Variants in FOXO3 observed in about 807,000 individuals in gnomAD.
FOXO3 encodes the protein forkhead box protein O3.
FOXO3 carries 4 observed loss-of-function variants against 41.9 expected under a neutral mutation model. That is an observed-to-expected ratio of 0.10 (90% CI 0.05 to 0.22). FOXO3 has a LOEUF of 0.22. Ranked by LOEUF, FOXO3 falls within the 10% of genes least tolerant of loss-of-function variation. FOXO3 has a pLI of 1.00. For missense variants in FOXO3, 534 were observed against 906.8 expected, an observed-to-expected ratio of 0.59 and a Z score of 5.28; for synonymous variants, 318 against 389.3, an observed-to-expected ratio of 0.82 and a Z score of 2.16.
At chr6:108,650,261 G>A (rs528061540) in intron 1 of FOXO3, among the ~76,000 whole-genome samples, 51 of 152,140 alleles carry the variant, frequency 3.4e-4, no homozygotes, top group Admixed American at 6.5e-4. Flanking sequence ...ACACGTGCTG[G>A]TTGAGGAGTG....
intron 1 of FOXO3, among the ~76,000 whole-genome samples, chr6:108,625,219 A>G (rs1014590117): frequency 2.6e-5 from 4 of 152,216 alleles, no homozygotes; most frequent in African/African-American, 9.7e-5. Flanking sequence ...ATTAGCATAT[A>G]CTTGCCATTA....
intron 1 of FOXO3, chr6:108,656,289 T>C: frequency 1.2e-6 from 1 of 820,182 alleles, no homozygotes; most frequent in Non-Finnish European, 1.5e-6. Context: ...CACATGTTGC[T>C]TCCAGACAAA....
chr6:108,677,996 T>G (rs938702313), intron 2 of FOXO3, among the ~76,000 whole-genome samples: 7 of 152,170 alleles, frequency 4.6e-5, no homozygotes, highest in African/African-American at 1.7e-4. Context: ...AGAAAGAGGC[T>G]TCTTTTTATA....
At chr6:108,585,505 G>A (rs1005142327) in intron 1 of FOXO3, among the ~76,000 whole-genome samples, 11 of 152,216 alleles carry the variant, frequency 7.2e-5, no homozygotes, top group Non-Finnish European at 1.5e-4. Flanking sequence ...GGGACCAGCT[G>A]TGCATTATTG....
At chr6:108,654,811 T>G (rs967756401) in intron 1 of FOXO3, among the ~76,000 whole-genome samples, 2 of 152,186 alleles carry the variant, frequency 1.3e-5, no homozygotes, top group African/African-American at 4.8e-5. Flanking sequence ...GAGCTAGATT[T>G]ACATATCAGG....
intron 1 of FOXO3, among the ~76,000 whole-genome samples, chr6:108,662,496 A>G (rs1185438383): frequency 6.6e-6 from 1 of 152,198 alleles, no homozygotes; most frequent in East Asian, 1.9e-4. Flanking sequence ...AGACTTGCCT[A>G]CTTCTCTAAT....
chr6:108,599,931 A>G (rs1776995765), intron 1 of FOXO3, among the ~76,000 whole-genome samples: 1 of 152,196 alleles, frequency 6.6e-6, no homozygotes, highest in Non-Finnish European at 1.5e-5. Context: ...TTCAAGACCC[A>G]CCTGCATCTG....
Position 108,613,704 on chromosome 6 carries a change from C to T in FOXO3, c.622-49751C>T, listed in dbSNP as rs116482178. On this transcript the variant is annotated intron_variant, in intron 1 of 2. Coordinates refer to ENST00000406360, the MANE Select transcript of FOXO3 (RefSeq NM_001455.4). ...CATTTGCTTCCACTGACTTTTCCCC[C>T]GTTACTTTTATGTTTTTACTTCCAT... 7.5e-3 allele frequency among the ~76,000 whole-genome samples: 1,136 copies of T among 152,052 alleles called. 11 individuals carry two copies. The highest frequency in any genetic ancestry group is 0.026 in the African/African-American group (1,095 of 41,490).
chr6:108,667,734 C>T (rs942933001), intron 2 of FOXO3, among the ~76,000 whole-genome samples: 6 of 152,118 alleles, frequency 3.9e-5, no homozygotes, highest in Non-Finnish European at 7.4e-5. Flanking sequence ...GGGTCATCTT[C>T]GCCTCAGAAT....
chr6:108,563,958 T>C (rs1207314120), intron 1 of FOXO3, among the ~76,000 whole-genome samples: 3 of 142,924 alleles, frequency 2.1e-5, no homozygotes, highest in African/African-American at 5.1e-5. Context: ...TGTCTTATGG[T>C]TTTTTTTTTT....
chr6:108,588,562 C>G (rs2128362237), intron 1 of FOXO3, among the ~76,000 whole-genome samples: 1 of 152,344 alleles, frequency 6.6e-6, no homozygotes, highest in South Asian at 2.1e-4. Context: ...CCTTCTTCCT[C>G]TGGTCTACTG....
chr6:108,671,917 A>T (rs1779226234), intron 2 of FOXO3, among the ~76,000 whole-genome samples: 1 of 152,260 alleles, frequency 6.6e-6, no homozygotes, highest in Admixed American at 6.5e-5. Flanking sequence ...TGTTTGTGGT[A>T]TCCAAAGTGC....
chr6:108,589,683 TG>T (rs1439241562), intron 1 of FOXO3, among the ~76,000 whole-genome samples: 1 of 152,210 alleles, frequency 6.6e-6, no homozygotes, highest in Non-Finnish European at 1.5e-5. Flanking sequence ...GGTGACTGGC[TG>T]TTCATGTGAG....
intron 1 of FOXO3, among the ~76,000 whole-genome samples, chr6:108,602,322 T>C (rs9372191): frequency 0.049 from 7,405 of 152,250 alleles, 309 homozygotes; most frequent in South Asian, 0.21. Flanking sequence ...CTCATACCCT[T>C]GCCAACACAG....
chr6:108,678,857 ATTTCTTAAATTC>A (rs1770724160), intron 2 of FOXO3, among the ~76,000 whole-genome samples: 1 of 126,488 alleles, frequency 7.9e-6, no homozygotes, highest in Non-Finnish European at 1.7e-5. Flanking sequence ...GCAAGACCCC[ATTTCTTAAATTC>A]TTTTTTTTTT....
At chr6:108,577,013 T>G (rs1368375988) in intron 1 of FOXO3, among the ~76,000 whole-genome samples, 1 of 152,202 alleles carries the variant, frequency 6.6e-6, no homozygotes, top group African/African-American at 2.4e-5. Flanking sequence ...GGGAGGATGA[T>G]TGCAGCTATT....
At chr6:108,599,571 T>G (rs1271855167) in intron 1 of FOXO3, among the ~76,000 whole-genome samples, 2 of 152,200 alleles carry the variant, frequency 1.3e-5, no homozygotes, top group Non-Finnish European at 2.9e-5. Context: ...TCTTTTCCAT[T>G]ATGGTAAGCC....
rs1171637928 is a variant in FOXO3, at chr6:108,589,706, G to C, written c.621+27877G>C. Among the ~76,000 whole-genome samples the C allele has an allele frequency of 9.2e-5, 14 of 152,180 alleles. 1 individual carries two copies. The highest frequency in any genetic ancestry group is 9.2e-4 in the Admixed American group (14 of 15,282). On this transcript the variant is annotated intron_variant, in intron 1 of 2. Transcript: ENST00000406360. ...GCTGTTCATGTGAGTTCCTGTGACT[G>C]ATGTCTCTGAAGAAACCAATGCCTT... is the stretch of plus-strand genomic sequence containing the variant.
At chr6:108,614,162 A>G (rs1777433070) in intron 1 of FOXO3, among the ~76,000 whole-genome samples, 1 of 152,202 alleles carries the variant, frequency 6.6e-6, no homozygotes, top group South Asian at 2.1e-4. Context: ...ATGTACTTAA[A>G]AAGAATGTGT....
Sources: gnomAD v4.1 joint callset for allele counts (sites outside exome capture counted in the v4.1 genomes callset) on GRCh38, gnomAD v4.1.1 for gene constraint, MANE v1.5 for transcripts, NCBI Gene and HGNC (gene_info 2026-07-23, HGNC 2026-07-21) for gene names.